Variants in L3MBTL4 observed in about 807,000 individuals in gnomAD.
L3MBTL4 encodes lethal(3)malignant brain tumor-like protein 4.
A neutral mutation model predicts 84.5 loss-of-function variants in L3MBTL4; 70 were observed. That is an observed-to-expected ratio of 0.83 (90% confidence interval 0.68 to 1.01). The LOEUF (loss-of-function observed/expected upper bound fraction) is 1.01. L3MBTL4 is among the 50% of genes least tolerant of loss of function. L3MBTL4 has a pLI of 0.00. For synonymous variants in L3MBTL4, 274 were observed against 259.8 expected (o/e 1.05, Z -0.52); for missense variants, 715 against 754.8 (o/e 0.95, Z 0.62).
chr18:5,997,927 C>G (rs1031920556), intron 16 of L3MBTL4, among the ~76,000 whole-genome samples: 2 of 152,124 alleles, frequency 1.3e-5, no homozygotes. Context: ...CCATGGGGGT[C>G]CTGGAACCAA....
chr18:6,160,982 G>A (rs1214455068), intron 13 of L3MBTL4, among the ~76,000 whole-genome samples: 1 of 152,180 alleles, frequency 6.6e-6, no homozygotes, highest in African/African-American at 2.4e-5. Context: ...GTTTCCAAAT[G>A]ATGTGACTAA....
At chr18:6,169,669 G>T (rs2145171458) in intron 13 of L3MBTL4, among the ~76,000 whole-genome samples, 1 of 134,340 alleles carries the variant, frequency 7.4e-6, no homozygotes, top group African/African-American at 2.7e-5. Context: ...TCACACACTG[G>T]GGACTGTTGT....
At chr18:6,247,763 G>C (rs1402246585) in intron 5 of L3MBTL4, among the ~76,000 whole-genome samples, 3 of 150,964 alleles carry the variant, frequency 2.0e-5, no homozygotes. Context: ...CCAAAGTGCT[G>C]GGATTACAGG....
intron 17 of L3MBTL4, 51 bp from the exon 18 acceptor site, chr18:5,960,207 T>C: frequency 8.5e-7 from 1 of 1,173,844 alleles, no homozygotes; most frequent in South Asian, 1.6e-5. Flanking sequence ...TGAAATAATT[T>C]GGGGGTTGCA....
chr18:6,093,663 A>G, intron 14 of L3MBTL4, 135 bp from the exon 15 acceptor site: 1 of 660,366 alleles, frequency 1.5e-6, no homozygotes, highest in Non-Finnish European at 2.3e-6. Flanking sequence ...GCACACTCAA[A>G]TAATAGTTTC....
chr18:6,292,903 A>G (rs1369922956), intron 4 of L3MBTL4, among the ~76,000 whole-genome samples: 1 of 152,192 alleles, frequency 6.6e-6, no homozygotes, highest in Non-Finnish European at 1.5e-5. Flanking sequence ...ACCCTCTGCC[A>G]TCACTCACCA....
chr18:6,241,893 A>G (rs1003150430), intron 7 of L3MBTL4, among the ~76,000 whole-genome samples: 1 of 152,154 alleles, frequency 6.6e-6, no homozygotes, highest in East Asian at 1.9e-4. Flanking sequence ...TACAGAGACC[A>G]TCAGAGGTCC....
At chr18:6,142,083 T>C (rs542795739) in intron 13 of L3MBTL4, among the ~76,000 whole-genome samples, 1 of 152,358 alleles carries the variant, frequency 6.6e-6, no homozygotes, top group East Asian at 1.9e-4. Flanking sequence ...TGGCTTATAT[T>C]TCACTTCCTC....
At chr18:6,253,298 GCT>G (rs1278217409) in intron 5 of L3MBTL4, among the ~76,000 whole-genome samples, 3 of 152,204 alleles carry the variant, frequency 2.0e-5, no homozygotes, top group Non-Finnish European at 2.9e-5. Flanking sequence ...TTCACAAATT[GCT>G]CTGTTTGCAC....
chr18:6,051,509 A>G (rs1235433452), intron 16 of L3MBTL4, among the ~76,000 whole-genome samples: 2 of 151,966 alleles, frequency 1.3e-5, no homozygotes, highest in Non-Finnish European at 2.9e-5. Context: ...ATTGCATTCC[A>G]GCCTGGGCGG....
At chr18:6,227,737 T>C (rs2046836058) in intron 10 of L3MBTL4, among the ~76,000 whole-genome samples, 1 of 152,116 alleles carries the variant, frequency 6.6e-6, no homozygotes, top group African/African-American at 2.4e-5. Context: ...GGAAATCAAA[T>C]CATAACTCAC....
At position 6,291,062 on chromosome 18, in the gene L3MBTL4, C is replaced by T. The variant is rs182170427; in HGVS notation, c.127+10841G>A. 3.6e-3 allele frequency among the ~76,000 whole-genome samples: 551 copies of T among 152,238 alleles called. 5 individuals carry two copies. Among genetic ancestry groups the T allele is most frequent in the African/African-American group, 0.013 (530 of 41,532 alleles). On this transcript the variant is annotated intron_variant, in intron 4 of 18. Transcript: ENST00000317931. Reference sequence around the variant, plus strand: ...AACTAGAGACATTCAAATTGCAAACCAGGATGAGAAACTGACATTTTTCAC... The same window carrying T: ...AACTAGAGACATTCAAATTGCAAACTAGGATGAGAAACTGACATTTTTCAC...
At chr18:6,167,768 A>G (rs1159839635) in intron 13 of L3MBTL4, among the ~76,000 whole-genome samples, 1 of 152,206 alleles carries the variant, frequency 6.6e-6, no homozygotes, top group African/African-American at 2.4e-5. Context: ...AAACTGGCAC[A>G]AGACAGGGAT....
At chr18:5,992,023 CATCCATCT>C (rs1358303800) in intron 16 of L3MBTL4, among the ~76,000 whole-genome samples, 5 of 151,984 alleles carry the variant, frequency 3.3e-5, no homozygotes, top group Admixed American at 3.3e-4. Flanking sequence ...TCCATCCATC[CATCCATCT>C]ATCCAACATT....
intron 16 of L3MBTL4, among the ~76,000 whole-genome samples, chr18:6,016,333 C>G (rs1182265882): frequency 1.3e-5 from 2 of 152,202 alleles, no homozygotes; most frequent in African/African-American, 4.8e-5. Flanking sequence ...CTACAATGGT[C>G]ACTCCTTAGG....
At chr18:6,115,854 C>T (rs1207447431) in intron 14 of L3MBTL4, among the ~76,000 whole-genome samples, 10 of 152,158 alleles carry the variant, frequency 6.6e-5, no homozygotes, top group Non-Finnish European at 1.5e-4. Context: ...AGTATCTGGG[C>T]TCCACCTCAA....
intron 1 of L3MBTL4, among the ~76,000 whole-genome samples, chr18:6,317,908 A>G (rs2051191671): frequency 6.6e-6 from 1 of 152,240 alleles, no homozygotes; most frequent in Non-Finnish European, 1.5e-5. Context: ...CAGTCTTCTT[A>G]GCAGAAATCT....
rs1323741809 is a variant in L3MBTL4, at chr18:6,369,492, G to A, written c.-91+45309C>T. On this transcript the variant is annotated intron_variant, in intron 1 of 18. Coordinates refer to ENST00000317931, the MANE Select transcript of L3MBTL4 (RefSeq NM_001330559.2). ...CTAAGGCTGAGAAGCCTTATACAGA[G>A]GAAGGAGAATATTTAGAAGGGATCA... Among the ~76,000 whole-genome samples the A allele has an allele frequency of 3.3e-5, 5 of 152,240 alleles. No individual in the cohort carries two copies. In the East Asian group the frequency reaches 9.7e-4, roughly 29 times the overall value.
At chr18:6,340,387 G>A (rs75889516) in intron 1 of L3MBTL4, among the ~76,000 whole-genome samples, 7,139 of 152,226 alleles carry the variant, frequency 0.047, 481 homozygotes, top group African/African-American at 0.15. Context: ...CCCCCAAGGT[G>A]GCACAGCTCA....
Sources: gnomAD v4.1 joint callset for allele counts (sites outside exome capture counted in the v4.1 genomes callset) on GRCh38, gnomAD v4.1.1 for gene constraint, MANE v1.5 for transcripts, NCBI Gene and HGNC (gene_info 2026-07-23, HGNC 2026-07-21) for gene names.